The following CSMD1 variants were observed in gnomAD, a reference collection of about 807,000 sequenced individuals.
The protein encoded by CSMD1 is CUB and sushi domain-containing protein 1.
CSMD1 carries 213 observed loss-of-function variants against 417.5 expected under a neutral mutation model. The ratio of observed to expected loss-of-function variants is 0.51; its 90% CI spans 0.46 to 0.57. CSMD1 has a LOEUF of 0.57. CSMD1 is among the 20% of genes least tolerant of loss of function. CSMD1 has a pLI of 0.00. For missense variants in CSMD1, 6,923 were observed against 4,529.7 expected (o/e 1.53, Z -15.17); for synonymous variants, 2,862 against 1,736.8 (o/e 1.65, Z -16.11).
intron 5 of CSMD1, among the ~76,000 whole-genome samples, chr8:3,970,172 T>A (rs1219712310): frequency 6.7e-6 from 1 of 149,452 alleles, no homozygotes; most frequent in Non-Finnish European, 1.5e-5. Flanking sequence ...GGCAGTTGAA[T>A]AGGAACCTCT....
Position 3,508,094 on chromosome 8 carries a change from C to G in CSMD1, c.1345-14368G>C, listed in dbSNP as rs542731537. 3.3e-5 allele frequency among the ~76,000 whole-genome samples: 5 copies of G among 152,220 alleles called. No homozygotes were observed. In the South Asian group the frequency reaches 1.0e-3, roughly 32 times the overall value. ...TGAGGTCCTTGCCCATGCCTATGTC[C>G]TGAATGGTATTGCCTAGGTTTCCTT... On this transcript the variant is annotated intron_variant, in intron 10 of 69. Transcript: ENST00000635120.
chr8:3,056,239 T>C (rs1183440945), intron 49 of CSMD1, among the ~76,000 whole-genome samples: 2 of 152,224 alleles, frequency 1.3e-5, no homozygotes, highest in Non-Finnish European at 2.9e-5. Flanking sequence ...AAAAAGTAAG[T>C]AGAAGAGACG....
intron 48 of CSMD1, among the ~76,000 whole-genome samples, chr8:3,090,814 G>A (rs1814889979): frequency 6.6e-6 from 1 of 152,154 alleles, no homozygotes; most frequent in South Asian, 2.1e-4. Context: ...TTAAGAGTCT[G>A]CCTACTGCTT....
At chr8:3,569,630 T>A (rs1287701435) in intron 10 of CSMD1, among the ~76,000 whole-genome samples, 6 of 152,212 alleles carry the variant, frequency 3.9e-5, no homozygotes, top group African/African-American at 1.4e-4. Flanking sequence ...GGAAACTTTA[T>A]GTAACTGTTT....
intron 3 of CSMD1, among the ~76,000 whole-genome samples, chr8:4,304,009 G>T (rs1206677313): frequency 6.6e-6 from 1 of 152,096 alleles, no homozygotes; most frequent in Non-Finnish European, 1.5e-5. Context: ...TGTCTAGGAA[G>T]CGTCCATAAA....
At chr8:3,467,441 T>A (rs1199654418) in intron 12 of CSMD1, among the ~76,000 whole-genome samples, 1 of 152,220 alleles carries the variant, frequency 6.6e-6, no homozygotes, top group African/African-American at 2.4e-5. Context: ...ACATAAAAGT[T>A]CAATTGAAGG....
intron 11 of CSMD1, among the ~76,000 whole-genome samples, chr8:3,493,392 A>G (rs1037855753): frequency 1.3e-5 from 2 of 152,032 alleles, no homozygotes; most frequent in African/African-American, 4.8e-5. Context: ...CCATAAACAT[A>G]TATGTTTTTA....
At chr8:3,819,049 G>C (rs1801563049) in intron 5 of CSMD1, among the ~76,000 whole-genome samples, 1 of 152,156 alleles carries the variant, frequency 6.6e-6, no homozygotes. Context: ...AACATTTCCT[G>C]TTTGTAGGAA....
chr8:4,849,300 T>C (rs535367122), intron 1 of CSMD1, among the ~76,000 whole-genome samples: 1 of 152,264 alleles, frequency 6.6e-6, no homozygotes, highest in African/African-American at 2.4e-5. Context: ...AAGAGTCACA[T>C]GTTTAAAAAA....
Position 4,116,590 on chromosome 8 carries a change from G to T in CSMD1, c.416-84491C>A. Among the ~76,000 whole-genome samples the T allele has an allele frequency of 1.6e-5, 2 of 121,290 alleles. 1 individual carries two copies. The highest frequency in any genetic ancestry group is 1.8e-4 in the Admixed American group (2 of 10,814). 79.6% of individuals were successfully genotyped at this position (121,290 alleles called of 152,430 possible). A position where few individuals can be genotyped will look rare whatever the true frequency, so the allele number is the denominator to read the frequency against. On this transcript the variant is annotated intron_variant, in intron 3 of 69. Transcript: ENST00000635120. Reference sequence around the variant, plus strand: ...ACGTAAGCTGTACACATCCGACAGTGATGTATGAGTGCAGGTGCCTGGATG... The same window carrying T: ...ACGTAAGCTGTACACATCCGACAGTTATGTATGAGTGCAGGTGCCTGGATG...
At chr8:3,593,964 A>G (rs1295875616) in intron 8 of CSMD1, among the ~76,000 whole-genome samples, 2 of 152,194 alleles carry the variant, frequency 1.3e-5, no homozygotes, top group Admixed American at 6.5e-5. Context: ...GGTGCTAAAA[A>G]GTTTTCTGGA....
intron 8 of CSMD1, among the ~76,000 whole-genome samples, chr8:3,591,806 T>C (rs901722990): frequency 3.4e-5 from 5 of 146,862 alleles, no homozygotes; most frequent in Admixed American, 2.0e-4. Context: ...GATGGAAAGA[T>C]GGATAGACAG....
chr8:3,976,214 G>A (rs943306378), intron 5 of CSMD1, among the ~76,000 whole-genome samples: 4 of 151,360 alleles, frequency 2.6e-5, no homozygotes, highest in African/African-American at 9.7e-5. Flanking sequence ...ATATGTACTG[G>A]TTTCAAAAAT....
intron 10 of CSMD1, among the ~76,000 whole-genome samples, chr8:3,523,980 CAT>C (rs1233329932): frequency 1.2e-4 from 18 of 151,014 alleles, no homozygotes; most frequent in South Asian, 4.2e-4. Flanking sequence ...TGCACACACA[CAT>C]GCACACCCAG....
chr8:4,711,593 A>G (rs1335879311), intron 1 of CSMD1, among the ~76,000 whole-genome samples: 3 of 152,162 alleles, frequency 2.0e-5, no homozygotes. Context: ...TATTGGTACT[A>G]AATTAGAAAT....
At chr8:3,261,657 G>A (rs997041671) in intron 26 of CSMD1, among the ~76,000 whole-genome samples, 5 of 152,110 alleles carry the variant, frequency 3.3e-5, no homozygotes, top group African/African-American at 1.2e-4. Flanking sequence ...GGAGTTCTCT[G>A]CAGGAATCTA....
At chr8:4,346,404 T>G (rs1800780127) in intron 3 of CSMD1, among the ~76,000 whole-genome samples, 1 of 152,110 alleles carries the variant, frequency 6.6e-6, no homozygotes, top group Non-Finnish European at 1.5e-5. Flanking sequence ...AGTTGAACAG[T>G]TACATCAGGG....
chr8:3,536,673 G>A (rs555960808), intron 10 of CSMD1, among the ~76,000 whole-genome samples: 152 of 152,254 alleles, frequency 1.0e-3, no homozygotes, highest in Non-Finnish European at 1.6e-3. Flanking sequence ...AGAAGTGTAG[G>A]CACAGAGCAA....
chr8:3,118,309 A>G, intron 42 of CSMD1, 90 bp downstream of exon 42: 1 of 889,988 alleles, frequency 1.1e-6, no homozygotes, highest in Non-Finnish European at 1.7e-6. Context: ...TGAATACATT[A>G]ATAAATTACT....
Sources: gnomAD v4.1 joint callset for allele counts (sites outside exome capture counted in the v4.1 genomes callset) on GRCh38, gnomAD v4.1.1 for gene constraint, MANE v1.5 for transcripts, NCBI Gene and HGNC (gene_info 2026-07-23, HGNC 2026-07-21) for gene names.